SKAP1: variants seen among roughly 807,000 people sequenced by gnomAD.
SKAP1 encodes src kinase associated phosphoprotein 1.
A neutral mutation model predicts 58.5 loss-of-function variants in SKAP1; 44 were observed. The ratio of observed to expected loss-of-function variants is 0.75; its 90% confidence interval spans 0.59 to 0.97. The LOEUF is 0.97. Ranked by LOEUF, SKAP1 falls within the 50% of genes least tolerant of loss-of-function variation. The probability of loss-of-function intolerance (pLI) is 0.00; values close to 1 mark genes in which losing one functional copy is unlikely to be tolerated. For missense variants in SKAP1, 390 were observed against 435.2 expected, an observed-to-expected ratio of 0.90 and a Z score of 0.92; for synonymous variants, 127 against 149.7, an observed-to-expected ratio of 0.85 and a Z score of 1.11.
At chr17:48,148,329 AG>A (rs1372598624) in intron 11 of SKAP1, among the ~76,000 whole-genome samples, 2 of 152,358 alleles carry the variant, frequency 1.3e-5, no homozygotes, top group East Asian at 3.9e-4. Context: ...CTTTACCTAA[AG>A]AAGAAAGAAG....
At chr17:48,256,277 G>A (rs1213389998) in intron 4 of SKAP1, among the ~76,000 whole-genome samples, 1 of 151,850 alleles carries the variant, frequency 6.6e-6, no homozygotes, top group Non-Finnish European at 1.5e-5. Context: ...TCAATCCCAT[G>A]TAAACTTTAT....
intron 11 of SKAP1, among the ~76,000 whole-genome samples, chr17:48,162,006 G>A (rs1255321559): frequency 2.0e-5 from 3 of 150,890 alleles, no homozygotes; most frequent in Admixed American, 6.6e-5. Flanking sequence ...TTGCTCCATC[G>A]CCAGGCTGGA....
intron 4 of SKAP1, chr17:48,203,621 G>A: frequency 6.6e-6 from 1 of 152,152 alleles, no homozygotes; most frequent in East Asian, 1.9e-4. Flanking sequence ...TTGGAAGCCT[G>A]AGATGGAAAC....
chr17:48,270,628 A>G (rs1390040844), intron 4 of SKAP1, among the ~76,000 whole-genome samples: 1 of 152,144 alleles, frequency 6.6e-6, no homozygotes, highest in Non-Finnish European at 1.5e-5. Flanking sequence ...GGTGTGAGCC[A>G]CTGCGCCTGG....
intron 11 of SKAP1, among the ~76,000 whole-genome samples, chr17:48,139,036 G>C (rs2063737022): frequency 6.6e-6 from 1 of 151,650 alleles, no homozygotes; most frequent in Admixed American, 6.6e-5. Flanking sequence ...CTACAGGCTT[G>C]CGCCCAGCTA....
At chr17:48,135,090 C>G (rs1187400838) in intron 12 of SKAP1, among the ~76,000 whole-genome samples, 1 of 152,176 alleles carries the variant, frequency 6.6e-6, no homozygotes, top group Non-Finnish European at 1.5e-5. Context: ...ATCATAAAGT[C>G]AAACCTTGAG....
intron 9 of SKAP1, among the ~76,000 whole-genome samples, chr17:48,179,003 TG>T (rs1289004408): frequency 6.6e-6 from 1 of 151,964 alleles, no homozygotes; most frequent in Admixed American, 6.6e-5. Context: ...CAGGAAGAGA[TG>T]AATGCAGTGT....
chr17:48,344,512 T>C (rs555991833), intron 4 of SKAP1, among the ~76,000 whole-genome samples: 1 of 152,316 alleles, frequency 6.6e-6, no homozygotes, highest in East Asian at 1.9e-4. Flanking sequence ...GACCTAAGGA[T>C]TAATGAGGCA....
At chr17:48,262,104 G>C (rs558326422) in intron 4 of SKAP1, among the ~76,000 whole-genome samples, 1 of 152,206 alleles carries the variant, frequency 6.6e-6, no homozygotes, top group Non-Finnish European at 1.5e-5. Context: ...TAGTAGTGTG[G>C]CTGCCTACAA....
chr17:48,212,389 A>G (rs1207103432), intron 4 of SKAP1, among the ~76,000 whole-genome samples: 1 of 152,202 alleles, frequency 6.6e-6, no homozygotes, highest in Non-Finnish European at 1.5e-5. Flanking sequence ...GAAGGACTGG[A>G]ATACAGGCCT....
At chr17:48,184,980 G>A (rs527641306) in intron 6 of SKAP1, 133 bp from the exon 7 acceptor site, 1 of 836,688 alleles carries the variant, frequency 1.2e-6, no homozygotes, top group East Asian at 2.7e-5. Flanking sequence ...TCAAGGAAAG[G>A]TTATTAGAGA....
rs557499867 is a variant in SKAP1 at position 48,194,931 on chromosome 17, A to T, written c.281-5431T>A. Among the ~76,000 whole-genome samples, 5 of 152,294 alleles carry T rather than the reference A, an allele frequency of 3.3e-5. No homozygotes were observed. In the South Asian group the frequency reaches 8.3e-4, roughly 25 times the overall value. On this transcript the variant is annotated intron_variant, in intron 4 of 12. Coordinates refer to ENST00000336915, the MANE Select transcript of SKAP1 (RefSeq NM_003726.4). Reference sequence around the variant, plus strand: ...GGATTGGGTGTATGAGATTGGAGAAAATTTAACATCTGAAGGCTGGGAATG... The same window carrying T: ...GGATTGGGTGTATGAGATTGGAGAATATTTAACATCTGAAGGCTGGGAATG...
intron 4 of SKAP1, among the ~76,000 whole-genome samples, chr17:48,255,564 T>C (rs2065414262): frequency 6.6e-6 from 1 of 151,980 alleles, no homozygotes; most frequent in African/African-American, 2.4e-5. Flanking sequence ...TCCCCTAACA[T>C]TGATAATCAT....
chr17:48,271,210 A>C (rs1381268192), intron 4 of SKAP1, among the ~76,000 whole-genome samples: 2 of 152,154 alleles, frequency 1.3e-5, no homozygotes, highest in African/African-American at 4.8e-5. Flanking sequence ...TGGCCTAAGA[A>C]TCTAAACACT....
chr17:48,231,799 A>C (rs1416071225), intron 4 of SKAP1: 2 of 152,220 alleles, frequency 1.3e-5, no homozygotes, highest in Non-Finnish European at 1.5e-5. Context: ...AGCAGGGACT[A>C]TATAACCTAG....
At chr17:48,168,675 CA>C (rs199791174) in intron 10 of SKAP1, among the ~76,000 whole-genome samples, 1,765 of 151,954 alleles carry the variant, frequency 0.012, 14 homozygotes, top group Middle Eastern at 0.024. Flanking sequence ...AACAAACAAA[CA>C]AAAAAACACA....
chr17:48,167,133 T>C (rs1348681619), intron 10 of SKAP1, among the ~76,000 whole-genome samples: 2 of 152,186 alleles, frequency 1.3e-5, no homozygotes, highest in Non-Finnish European at 2.9e-5. Flanking sequence ...CCCAAAGTGC[T>C]GGAATTACAG....
At chr17:48,152,787 A>G (rs1019282310) in intron 11 of SKAP1, among the ~76,000 whole-genome samples, 3 of 152,252 alleles carry the variant, frequency 2.0e-5, no homozygotes, top group Admixed American at 6.5e-5. Context: ...CATCTTTAAC[A>G]GTGAATTTAT....
chr17:48,176,358 C>A (rs2064289648), intron 9 of SKAP1, among the ~76,000 whole-genome samples: 1 of 152,206 alleles, frequency 6.6e-6, no homozygotes, highest in Non-Finnish European at 1.5e-5. Flanking sequence ...AGCCTTGAGA[C>A]CTCAGACAAA....
Sources: allele counts gnomAD v4.1 joint callset (sites outside exome capture counted in the v4.1 genomes callset), GRCh38; gene constraint gnomAD v4.1.1; transcripts MANE v1.5; gene names NCBI Gene and HGNC (gene_info 2026-07-23, HGNC 2026-07-21).